The following DOP1A variants were observed in gnomAD, a reference collection of about 807,000 sequenced individuals.
The protein encoded by DOP1A is DOP1 leucine zipper like protein A, also known as protein DOP1A.
Under a neutral mutation model 267.6 loss-of-function variants are expected in DOP1A, and 90 were observed. The observed-to-expected ratio is 0.34, with a 90% CI of 0.28 to 0.40. The LOEUF (loss-of-function observed/expected upper bound fraction) is 0.40, where lower values mean the gene tolerates loss of function less well. Ranked by LOEUF, DOP1A falls within the 10% of genes least tolerant of loss-of-function variation. DOP1A has a pLI of 1.00. For synonymous variants in DOP1A, 932 were observed against 999.1 expected (o/e 0.93, Z 1.27); for missense variants, 2,437 against 2,900.4 (o/e 0.84, Z 3.67).
chr6:83,135,125 A>G (rs1383888281), intron 19 of DOP1A, among the ~76,000 whole-genome samples: 3 of 152,138 alleles, frequency 2.0e-5, no homozygotes, highest in African/African-American at 7.2e-5. Flanking sequence ...CTTGCCCAAC[A>G]CCACACAAAA....
At chr6:83,164,938 C>G (rs1785101966) in intron 38 of DOP1A, 1 of 456,376 alleles carries the variant, frequency 2.2e-6, no homozygotes, top group Non-Finnish European at 3.9e-6. Context: ...TTAAGAGCAT[C>G]AGAAACTCTG....
intron 3 of DOP1A, among the ~76,000 whole-genome samples, chr6:83,097,364 A>G (rs1771685265): frequency 6.6e-6 from 1 of 152,222 alleles, no homozygotes; most frequent in Non-Finnish European, 1.5e-5. Flanking sequence ...TATCAGCTAT[A>G]AAAACAGAAG....
chr6:83,108,948 C>A lies in DOP1A; in HGVS notation c.359C>A (p.Ser120Tyr). The A allele has an allele frequency of 6.2e-7, 1 of 1,613,114 alleles. No individual in the cohort carries two copies. Among genetic ancestry groups the A allele is most frequent in the Non-Finnish European group, 8.5e-7 (1 of 1,179,630 alleles). ...LFPLLANAAM[S>Y]VKPTLLSLYE... The stretch of plus-strand genomic sequence containing the variant: ...CCTCTTCTTGCAAATGCTGCCATGT[C>A]TGTGAAACCAACATTGCTCAGTTTG... The change falls in exon 5 of 39, where the codon TCT becomes TAT. Residue 120 changes from serine (S) to tyrosine (Y), a missense_variant. Coordinates refer to ENST00000349129, the MANE Select transcript of DOP1A (RefSeq NM_015018.4).
At chr6:83,164,225 G>T (rs956044961) in intron 38 of DOP1A, among the ~76,000 whole-genome samples, 2 of 150,974 alleles carry the variant, frequency 1.3e-5, no homozygotes, top group African/African-American at 4.9e-5. Context: ...TGATTAAAGA[G>T]ATTTTGCTGG....
chr6:83,087,958 G>A (rs766267407), intron 1 of DOP1A, among the ~76,000 whole-genome samples: 9 of 151,380 alleles, frequency 5.9e-5, no homozygotes, highest in Admixed American at 6.6e-5. Flanking sequence ...TGCAAGCTCC[G>A]CCTCCCAGGT....
chr6:83,130,343 T>C lies in DOP1A; in HGVS notation c.2562T>C (p.Pro854=). The C allele has an allele frequency of 6.2e-7, 1 of 1,614,018 alleles. No homozygotes were observed. Among genetic ancestry groups the C allele is most frequent in the Non-Finnish European group, 8.5e-7 (1 of 1,179,950 alleles). ...NQGRVAVVIR[P]PLTQGNLRYI... Reference sequence around the variant, plus strand: ...GAAGAGTAGCTGTGGTTATTAGACCTCCCCTCACTCAGGGCAATCTGAGGT... The same window carrying C: ...GAAGAGTAGCTGTGGTTATTAGACCCCCCCTCACTCAGGGCAATCTGAGGT... Residue 854 remains proline (P), a synonymous_variant, in exon 17 of 39, where the codon CCT becomes CCC. Coordinates refer to ENST00000349129, the MANE Select transcript of DOP1A (RefSeq NM_015018.4).
At position 83,157,248 on chromosome 6, in the gene DOP1A, T is replaced by G; in HGVS notation, c.6671T>G (p.Phe2224Cys). ...PTLHSQVFLF[F>C]RVLLLRMSPQ... Reference sequence around the variant, plus strand: ...CTCCATTCTCAAGTGTTCCTGTTTTTCAGAGTGTTACTTTTAAGAATGTCT... The same window carrying G: ...CTCCATTCTCAAGTGTTCCTGTTTTGCAGAGTGTTACTTTTAAGAATGTCT... Residue 2224 changes from phenylalanine to cysteine, a missense_variant, in exon 35 of 39, where the codon TTC becomes TGC. By Grantham distance (205) the Phe-to-Cys change is radical. Transcript: ENST00000349129. 1 of 1,614,070 alleles carries G rather than the reference T, an allele frequency of 6.2e-7. No homozygotes were observed. The highest frequency in any genetic ancestry group is 1.1e-5 in the South Asian group (1 of 91,068).
chr6:83,143,774 A>G (rs181612970), intron 24 of DOP1A, among the ~76,000 whole-genome samples: 37 of 152,260 alleles, frequency 2.4e-4, no homozygotes, highest in Admixed American at 2.0e-3. Context: ...GAGACCCAGT[A>G]TCTTTCTGCA....
At position 83,168,075 on chromosome 6, in the gene DOP1A, C is replaced by A. The variant is rs749281841; in HGVS notation, c.7306C>A (p.Leu2436Met). Residue 2436 changes from leucine to methionine, a missense_variant, in exon 39 of 39, where the codon CTG becomes ATG. This residue lies in a region of DOP1A where 197 missense variants were observed against 246.5 expected (regional missense o/e 0.80). Coordinates refer to ENST00000349129, the MANE Select transcript of DOP1A (RefSeq NM_015018.4). ...TGCCTTCCCTAATAAGGACATGAAA[C>A]TGGAGAACCACAAACCATGTTCCAG... Reference protein sequence around the residue: ...SNAFPNKDMKLENHKPCSSKA... With the variant: ...SNAFPNKDMKMENHKPCSSKA... 6.2e-7 allele frequency: 1 copy of A among 1,614,196 alleles called. No individual in the cohort carries two copies. Among genetic ancestry groups the A allele is most frequent in the East Asian group, 2.2e-5 (1 of 44,884 alleles).
chr6:83,140,678 G>A (rs1423205832), intron 23 of DOP1A, among the ~76,000 whole-genome samples: 2 of 151,998 alleles, frequency 1.3e-5, no homozygotes, highest in Non-Finnish European at 1.5e-5. Flanking sequence ...ATTCCTCATG[G>A]CCATTTGCAC....
At chr6:83,077,487 A>G (rs1424456848) in intron 1 of DOP1A, among the ~76,000 whole-genome samples, 2 of 152,106 alleles carry the variant, frequency 1.3e-5, no homozygotes, top group Admixed American at 1.3e-4. Flanking sequence ...TGGGCAAGAA[A>G]GTAAGACCCT....
At chr6:83,155,916 GAC>G (rs1339479243) in intron 33 of DOP1A, 33 bp from the exon 34 acceptor site, 1 of 1,589,362 alleles carries the variant, frequency 6.3e-7, no homozygotes, top group Admixed American at 1.8e-5. Flanking sequence ...TTCTTCAGAT[GAC>G]AGTGTCACAG....
Position 83,159,848 on chromosome 6 carries a change from G to A in DOP1A, c.6850G>A (p.Gly2284Ser). 1 of 1,614,110 alleles carries A rather than the reference G, an allele frequency of 6.2e-7. No homozygotes were observed. Among genetic ancestry groups the A allele is most frequent in the Non-Finnish European group, 8.5e-7 (1 of 1,180,038 alleles). Residue 2284 changes from glycine (G) to serine (S), a missense_variant, in exon 37 of 39, where the codon GGC (glycine) becomes AGC (serine). Coordinates refer to ENST00000349129, the MANE Select transcript of DOP1A (RefSeq NM_015018.4). The stretch of plus-strand genomic sequence containing the variant: ...GGAGACAACGTACACAGGAGGTAAT[G>A]GCTTCTCTACTTCATATAACAGCCA... ...GLETTYTGGN[G>S]FSTSYNSQRW...
downstream of DOP1A, chr6:83,169,718 G>A: frequency 2.2e-6 from 1 of 459,080 alleles, no homozygotes; most frequent in South Asian, 1.5e-5. Flanking sequence ...CAGGAAAGCT[G>A]CCAAATGTCT....
intron 33 of DOP1A, among the ~76,000 whole-genome samples, chr6:83,155,156 T>C (rs957761379): frequency 6.6e-6 from 1 of 152,014 alleles, no homozygotes; most frequent in Non-Finnish European, 1.5e-5. Context: ...ATTCCAGGAA[T>C]AGGGAACAAG....
chr6:83,119,493 G>A (rs1776012256), intron 8 of DOP1A, among the ~76,000 whole-genome samples: 1 of 152,034 alleles, frequency 6.6e-6, no homozygotes, highest in African/African-American at 2.4e-5. Flanking sequence ...GATGTTCTGA[G>A]TATTCAGTTA....
At chr6:83,100,137 TAAAAC>T (rs945520063) in intron 3 of DOP1A, among the ~76,000 whole-genome samples, 2 of 152,246 alleles carry the variant, frequency 1.3e-5, no homozygotes, top group Middle Eastern at 3.4e-3. Flanking sequence ...GTTGAATAAA[TAAAAC>T]AAAAAGTTGT....
At chr6:83,143,104 T>C (rs1210608720) in intron 24 of DOP1A, among the ~76,000 whole-genome samples, 1 of 152,152 alleles carries the variant, frequency 6.6e-6, no homozygotes, top group Admixed American at 6.5e-5. Flanking sequence ...TTAAAAGCAG[T>C]AAAGAACATT....
intron 38 of DOP1A, chr6:83,166,783 G>C: frequency 2.8e-6 from 3 of 1,057,124 alleles, no homozygotes; most frequent in Non-Finnish European, 3.4e-6. Context: ...GACCCACTAG[G>C]AAACTAGTGA....
Sources: allele counts gnomAD v4.1 joint callset (sites outside exome capture counted in the v4.1 genomes callset), GRCh38; gene constraint gnomAD v4.1.1; regional missense constraint gnomAD v4.1.1; transcripts MANE v1.5; gene names NCBI Gene and HGNC (gene_info 2026-07-23, HGNC 2026-07-21).